The following PSKH1 variants were observed in gnomAD, a reference collection of about 807,000 sequenced individuals.
PSKH1 encodes the protein serine/threonine-protein kinase H1.
In PSKH1, 12 loss-of-function variants were observed where a neutral mutation model predicts 26.7. That is an observed-to-expected ratio of 0.45 (90% CI 0.29 to 0.73). The LOEUF is 0.73. Ranked by LOEUF, PSKH1 falls within the 30% of genes least tolerant of loss-of-function variation. The pLI is 0.11. For missense variants in PSKH1, 431 were observed against 595.2 expected, an observed-to-expected ratio of 0.72 and a Z score of 2.87; for synonymous variants, 213 against 234.3, an observed-to-expected ratio of 0.91 and a Z score of 0.83.
chr16:67,922,969 C>G (rs1029060240), intron 2 of PSKH1, among the ~76,000 whole-genome samples: 11 of 152,350 alleles, frequency 7.2e-5, no homozygotes, highest in Non-Finnish European at 1.3e-4. Context: ...TTTCATTAGC[C>G]CTTAGGCTCC....
Position 67,909,619 on chromosome 16 carries a change from A to G in PSKH1, c.870A>G (p.Leu290=), listed in dbSNP as rs899815889. 6.2e-7 allele frequency: 1 copy of G among 1,613,810 alleles called. No homozygotes were observed. Among genetic ancestry groups the G allele is most frequent in the Non-Finnish European group, 8.5e-7 (1 of 1,179,988 alleles). The change falls in exon 2 of 3, where the codon CTA becomes CTG. Residue 290 remains leucine (L), a synonymous_variant. Coordinates refer to ENST00000291041, the MANE Select transcript of PSKH1 (RefSeq NM_006742.3). The surrounding 1 kb of genome is among the most constrained non-coding windows in gnomAD (Gnocchi z 7.8). ...MWALGVIAYI[L]LSGTMPFEDD... ...CGCTGGGCGTCATTGCCTACATCCT[A>G]CTCAGTGGCACCATGCCGTTTGAGG... is the stretch of plus-strand genomic sequence containing the variant.
At chr16:67,899,294 T>C (rs2058135332) in intron 1 of PSKH1, among the ~76,000 whole-genome samples, 1 of 152,136 alleles carries the variant, frequency 6.6e-6, no homozygotes, top group African/African-American at 2.4e-5. Context: ...CTAGAATTGT[T>C]GACTTGCAGC....
Position 67,915,277 on chromosome 16 carries a change from C to G in PSKH1, c.957+5571C>G, listed in dbSNP as rs529763520. Among the ~76,000 whole-genome samples, 5 of 151,348 alleles carry G rather than the reference C, an allele frequency of 3.3e-5. No homozygotes were observed. In the South Asian group the frequency reaches 1.0e-3, roughly 32 times the overall value. On this transcript the variant is annotated intron_variant, in intron 2 of 2. Coordinates refer to ENST00000291041, the MANE Select transcript of PSKH1 (RefSeq NM_006742.3). ...ACTGCTCAGCCTTTGCTCCCACTACCCTTTACCTGGAGCTGAAAAGCATCA... is the reference window on the plus strand; with the variant it reads ...ACTGCTCAGCCTTTGCTCCCACTACGCTTTACCTGGAGCTGAAAAGCATCA...
intron 2 of PSKH1, among the ~76,000 whole-genome samples, chr16:67,915,872 G>A (rs1351471082): frequency 6.6e-6 from 1 of 152,128 alleles, no homozygotes; most frequent in Non-Finnish European, 1.5e-5. Context: ...CTCACACCTG[G>A]GGAAAATGCA....
intron 1 of PSKH1, among the ~76,000 whole-genome samples, chr16:67,902,581 C>T (rs935202733): frequency 5.9e-5 from 9 of 152,190 alleles, no homozygotes; most frequent in Non-Finnish European, 1.5e-5. Flanking sequence ...CAGGCCTGAG[C>T]CACTGCGCCC....
At chr16:67,926,202 G>A (rs16957606) in intron 2 of PSKH1, among the ~76,000 whole-genome samples, 13,940 of 152,118 alleles carry the variant, frequency 0.092, 1,900 homozygotes, top group African/African-American at 0.3. Flanking sequence ...GCCCGTGCCA[G>A]AAGTGTTCCT....
intron 1 of PSKH1, among the ~76,000 whole-genome samples, chr16:67,896,712 C>G (rs2058127628): frequency 1.3e-5 from 2 of 151,774 alleles, no homozygotes; most frequent in African/African-American, 4.8e-5. Context: ...TTGGCCATAC[C>G]CCTAGAAGAG....
intron 2 of PSKH1, among the ~76,000 whole-genome samples, chr16:67,915,208 AGTGTGTGTGTGTGTGT>A (rs10599179): frequency 2.8e-5 from 4 of 143,894 alleles, no homozygotes; most frequent in African/African-American, 1.1e-4. Flanking sequence ...AGAGAGAGAG[AGTGTGTGTGTGTGTGT>A]GTGTGTGTGT....
In PSKH1 at chr16:67,921,506, C is replaced by T. The variant is rs777605160; in HGVS notation, c.958-5819C>T. 7.9e-5 allele frequency among the ~76,000 whole-genome samples: 12 copies of T among 151,206 alleles called. No individual in the cohort carries two copies. The South Asian group carries it at 8.3e-4, about 11-fold the overall frequency. The stretch of plus-strand genomic sequence containing the variant: ...AGGAGAATCGGTTGAACCTGGGAGG[C>T]GGAGTTGCAGTTAGCTGAGATTGCA... On this transcript the variant is annotated intron_variant, in intron 2 of 2. Transcript: ENST00000291041.
intron 1 of PSKH1, among the ~76,000 whole-genome samples, chr16:67,898,670 C>T (rs191441680): frequency 5.6e-4 from 84 of 148,986 alleles, no homozygotes; most frequent in African/African-American, 1.9e-3. Flanking sequence ...GTTGCCCAGG[C>T]TGGAGTGCAG....
At chr16:67,916,953 A>ACC (rs1598191902) in intron 2 of PSKH1, among the ~76,000 whole-genome samples, 1 of 151,756 alleles carries the variant, frequency 6.6e-6, no homozygotes, top group Non-Finnish European at 1.5e-5. Flanking sequence ...CCTAGACCCC[A>ACC]CCCCACTCCC....
intron 2 of PSKH1, among the ~76,000 whole-genome samples, chr16:67,917,476 C>T (rs2058190862): frequency 6.6e-6 from 1 of 152,216 alleles, no homozygotes. Context: ...CTGTCGTGTC[C>T]AGGCTTAGTG....
intron 2 of PSKH1, among the ~76,000 whole-genome samples, chr16:67,925,198 A>ATTT (rs11325565): frequency 7.2e-6 from 1 of 139,414 alleles, no homozygotes; most frequent in Non-Finnish European, 1.6e-5. Context: ...CAATATGAAT[A>ATTT]TTTTTTTTTT....
intron 2 of PSKH1, among the ~76,000 whole-genome samples, chr16:67,915,255 G>A (rs2058184643): frequency 6.6e-6 from 1 of 151,524 alleles, no homozygotes; most frequent in African/African-American, 2.4e-5. Context: ...GAGAGGCACT[G>A]CTCAGCCTTT....
chr16:67,912,488 T>A (rs532594355), intron 2 of PSKH1, among the ~76,000 whole-genome samples: 1 of 152,326 alleles, frequency 6.6e-6, no homozygotes, highest in African/African-American at 2.4e-5. Context: ...TCAGTAACGT[T>A]GGGGCAATGC....
intron 1 of PSKH1, among the ~76,000 whole-genome samples, chr16:67,899,376 C>T (rs373583870): frequency 2.1e-4 from 30 of 144,348 alleles, no homozygotes; most frequent in African/African-American, 7.3e-4. Flanking sequence ...CGCTCTATGG[C>T]CCAGGCTGGA....
intron 1 of PSKH1, among the ~76,000 whole-genome samples, chr16:67,900,069 C>A (rs1174297610): frequency 6.6e-6 from 1 of 152,062 alleles, no homozygotes; most frequent in East Asian, 1.9e-4. Flanking sequence ...TCAAATGATT[C>A]TCCTGCCTCA....
chr16:67,900,915 A>G (rs1331661385), intron 1 of PSKH1, among the ~76,000 whole-genome samples: 3 of 152,124 alleles, frequency 2.0e-5, no homozygotes, highest in Non-Finnish European at 2.9e-5. Context: ...CTAGGGGCAC[A>G]CACAAGAGAT....
intron 1 of PSKH1, among the ~76,000 whole-genome samples, chr16:67,905,719 C>G (rs998165963): frequency 6.6e-6 from 1 of 151,932 alleles, no homozygotes; most frequent in Admixed American, 6.6e-5. Context: ...ATCACCCAGG[C>G]GAGGTGGCAG....
Sources: gnomAD v4.1 joint callset for allele counts (sites outside exome capture counted in the v4.1 genomes callset) on GRCh38, gnomAD v4.1.1 for gene constraint, Gnocchi (gnomAD v3.1) non-coding constraint, MANE v1.5 for transcripts, NCBI Gene and HGNC (gene_info 2026-07-23, HGNC 2026-07-21) for gene names.